LLGL2: variants seen among roughly 807,000 people sequenced by gnomAD.
LLGL2 encodes the protein LLGL scribble cell polarity complex component 2, also known as LLGL2, scribble cell polarity complex component.
Under a neutral mutation model 123.2 loss-of-function variants are expected in LLGL2, and 81 were observed. The ratio of observed to expected loss-of-function variants is 0.66; its 90% CI spans 0.55 to 0.79. LLGL2 has a LOEUF of 0.79. Ranked by LOEUF, LLGL2 falls within the 30% of genes least tolerant of loss-of-function variation. LLGL2 has a pLI of 0.00. For missense variants in LLGL2, 1,273 were observed against 1,414.6 expected, an observed-to-expected ratio of 0.90 and a Z score of 1.61; for synonymous variants, 577 against 594.1, an observed-to-expected ratio of 0.97 and a Z score of 0.42.
At position 75,568,918 on chromosome 17, in the gene LLGL2, A is replaced by G. The variant is rs745356525; in HGVS notation, c.1323-60A>G. The G allele has an allele frequency of 1.9e-6, 3 of 1,579,716 alleles. No homozygotes were observed. In the South Asian group the frequency reaches 3.5e-5, roughly 18 times the overall value. ...AGCAGAGCCCTGAGGTGGACGAGCC[A>G]GCCCCTGGGCATCCCGGCTGGCATC... On this transcript the variant is annotated intron_variant, in intron 12 of 25. Coordinates refer to ENST00000392550, the MANE Select transcript of LLGL2 (RefSeq NM_001031803.2).
chr17:75,537,805 T>G (rs1598519843), intron 1 of LLGL2, among the ~76,000 whole-genome samples: 3 of 143,352 alleles, frequency 2.1e-5, no homozygotes, highest in African/African-American at 2.6e-5. Flanking sequence ...TTTTGGAAGG[T>G]GACCTTTTTT....
intron 1 of LLGL2, among the ~76,000 whole-genome samples, chr17:75,526,724 G>C (rs1016483943): frequency 3.9e-5 from 6 of 152,112 alleles, no homozygotes; most frequent in African/African-American, 1.4e-4. Context: ...AGAGAACCTT[G>C]AGTTCTCTTG....
In LLGL2 at chr17:75,559,317, T is replaced by C. The variant is rs754659748; in HGVS notation, c.437T>C (p.Leu146Pro). Residue 146 changes from leucine (L) to proline (P), a missense_variant, in exon 6 of 26, where the codon CTG becomes CCG. Physicochemically the swap from Leu to Pro is moderately conservative, Grantham distance 98 (BLOSUM62 -3). Transcript: ENST00000392550. The surrounding 1 kb of genome is among the most constrained non-coding windows in gnomAD (Gnocchi z 4.6). ...CATTCCTCCTGCGAGCTGCTCTACC[T>C]GGGCACCGAGAGTGGCAACGTGTTT... is the stretch of plus-strand genomic sequence containing the variant. ...LPHSSCELLYLGTESGNVFVV... is the reference protein window; with the variant it reads ...LPHSSCELLYPGTESGNVFVV... 6.2e-7 allele frequency: 1 copy of C among 1,613,548 alleles called. No individual in the cohort carries two copies. Among genetic ancestry groups the C allele is most frequent in the South Asian group, 1.1e-5 (1 of 91,072 alleles).
intron 1 of LLGL2, among the ~76,000 whole-genome samples, chr17:75,539,413 CTT>C (rs1254885147): frequency 7.1e-6 from 1 of 141,444 alleles, no homozygotes. Flanking sequence ...ATGTCCTTTC[CTT>C]TTTTTTTTAG....
intron 19 of LLGL2, among the ~76,000 whole-genome samples, chr17:75,572,803 G>C (rs538317718): frequency 1.3e-5 from 2 of 151,482 alleles, no homozygotes; most frequent in Non-Finnish European, 2.9e-5. Context: ...CTGGGCGACA[G>C]AGCAAGACTC....
intron 2 of LLGL2, among the ~76,000 whole-genome samples, chr17:75,548,510 AAAG>A (rs1199386884): frequency 6.6e-6 from 1 of 152,074 alleles, no homozygotes; most frequent in Non-Finnish European, 1.5e-5. Flanking sequence ...AAAGTATGCC[AAAG>A]AAGTGGCCGG....
Position 75,558,743 on chromosome 17 carries a change from G to A in LLGL2, c.371+116G>A. 1.2e-6 allele frequency: 1 copy of A among 818,476 alleles called. No homozygotes were observed. Among genetic ancestry groups the A allele is most frequent in the Non-Finnish European group, 2.0e-6 (1 of 503,660 alleles). 50.7% of individuals were successfully genotyped at this position (818,476 alleles called of 1,614,324 possible). A position where few individuals can be genotyped will look rare whatever the true frequency, so the allele number is the denominator to read the frequency against. The stretch of plus-strand genomic sequence containing the variant: ...TTGCGCCCCTGGCAGTGACTGGCAT[G>A]CGTTTGGCCCGATGCATCGCCACAC... On this transcript the variant is annotated intron_variant, in intron 5 of 25. Coordinates refer to ENST00000392550, the MANE Select transcript of LLGL2 (RefSeq NM_001031803.2). This position sits in a 1 kb window ranked among gnomAD's most constrained non-coding sequence, Gnocchi z 4.0.
rs1261527137 is a variant in LLGL2, at chr17:75,556,140, A to G, written c.170A>G (p.Lys57Arg). 1 of 1,609,278 alleles carries G rather than the reference A, an allele frequency of 6.2e-7. No individual in the cohort carries two copies. Among genetic ancestry groups the G allele is most frequent in the Non-Finnish European group, 8.5e-7 (1 of 1,179,458 alleles). Residue 57 changes from lysine (K) to arginine (R), a missense_variant, in exon 3 of 26, where the codon AAG (lysine) becomes AGG (arginine). Physicochemically the swap from Lys to Arg is conservative, Grantham distance 26 (BLOSUM62 2). Transcript: ENST00000392550. ...LAIGTRSGAI[K>R]LYGAPGVEFM... ...ATCGGCACCCGTTCTGGAGCCATCA[A>G]GCTGTATCCTCCGTCCCCTCGCTCC... is the stretch of plus-strand genomic sequence containing the variant.
chr17:75,540,429 A>G (rs183008571), intron 1 of LLGL2, among the ~76,000 whole-genome samples: 154 of 152,264 alleles, frequency 1.0e-3, no homozygotes, highest in African/African-American at 3.2e-3. Context: ...TCCTGGCTCC[A>G]TCACCCCATG....
At chr17:75,573,656 T>TACCCCC in intron 21 of LLGL2, 25 bp downstream of exon 21, 1 of 1,429,136 alleles carries the variant, frequency 7.0e-7, no homozygotes, top group Non-Finnish European at 9.3e-7. Flanking sequence ...CAGAGGCCTC[T>TACCCCC]CCCGCCCCTC....
At chr17:75,534,969 C>T (rs538130709) in intron 1 of LLGL2, among the ~76,000 whole-genome samples, 2 of 152,362 alleles carry the variant, frequency 1.3e-5, no homozygotes, top group South Asian at 4.1e-4. Flanking sequence ...TGCCCCCATT[C>T]CCTCTGGTTT....
chr17:75,529,816 G>A (rs747216083), intron 1 of LLGL2, among the ~76,000 whole-genome samples: 2 of 151,930 alleles, frequency 1.3e-5, no homozygotes, highest in Non-Finnish European at 2.9e-5. Flanking sequence ...AGCCGAGATC[G>A]CGCCACTGCA....
In LLGL2 at chr17:75,563,187, T is replaced by G; in HGVS notation, c.693+9T>G. Reference sequence around the variant, plus strand: ...ACTTCCTCAGCAGCCAGGTAGGCAGTGCCCAGGACATGGCAGGCGCCATGT... The same window carrying G: ...ACTTCCTCAGCAGCCAGGTAGGCAGGGCCCAGGACATGGCAGGCGCCATGT... On this transcript the variant is annotated intron_variant, in intron 7 of 25. Transcript: ENST00000392550. The G allele has an allele frequency of 6.2e-7, 1 of 1,612,888 alleles. No homozygotes were observed. Among genetic ancestry groups the G allele is most frequent in the Non-Finnish European group, 8.5e-7 (1 of 1,179,924 alleles).
At chr17:75,550,780 CAAAAA>C (rs57482643) in intron 2 of LLGL2, among the ~76,000 whole-genome samples, 1,396 of 94,694 alleles carry the variant, frequency 0.015, 17 homozygotes, top group Non-Finnish European at 0.02. Flanking sequence ...GACCCTGTCT[CAAAAA>C]AAAAAAAAAA....
intron 1 of LLGL2, among the ~76,000 whole-genome samples, chr17:75,542,158 C>T (rs1017369255): frequency 5.3e-5 from 8 of 152,114 alleles, no homozygotes; most frequent in Admixed American, 2.0e-4. Flanking sequence ...GGGATCCTAT[C>T]ATATGCAAAG....
Position 75,559,457 on chromosome 17 carries a change from G to T in LLGL2, c.530+47G>T. 1.3e-6 allele frequency: 2 copies of T among 1,550,336 alleles called. No individual in the cohort carries two copies. On this transcript the variant is annotated intron_variant, in intron 6 of 25. Transcript: ENST00000392550. The surrounding 1 kb of genome is among the most constrained non-coding windows in gnomAD (Gnocchi z 4.6). ...TGTTAACTCCATCCCCTCAAGTTAG[G>T]CATGGCTTCTCCCCTTGGTCCCAGG...
At chr17:75,535,431 C>T (rs1386497976) in intron 1 of LLGL2, among the ~76,000 whole-genome samples, 1 of 152,194 alleles carries the variant, frequency 6.6e-6, no homozygotes, top group Non-Finnish European at 1.5e-5. Context: ...GTCTGGAGTC[C>T]TGCCGCTGGG....
intron 1 of LLGL2, among the ~76,000 whole-genome samples, chr17:75,535,271 C>T (rs766531129): frequency 9.2e-5 from 14 of 152,248 alleles, no homozygotes; most frequent in Admixed American, 2.0e-4. Flanking sequence ...CACAGGATGT[C>T]GCAGAGGGGA....
chr17:75,569,272 A>G lies in LLGL2; in HGVS notation c.1528A>G (p.Ile510Val). The change falls in exon 14 of 26, where the codon ATC becomes GTC. Residue 510 changes from isoleucine to valine, a missense_variant. Ile to Val is a conservative substitution (Grantham distance 29). Coordinates refer to ENST00000392550, the MANE Select transcript of LLGL2 (RefSeq NM_001031803.2). ...TGACCCCCGGCTGGGCATCCAGAAG[A>G]TCTTCCTCTGCAAGTACAGCGGCTA... ...SDDPRLGIQK[I>V]FLCKYSGYLA... is the part of the protein sequence containing the mutation. The G allele has an allele frequency of 6.2e-7, 1 of 1,613,494 alleles. No individual in the cohort carries two copies. Among genetic ancestry groups the G allele is most frequent in the Non-Finnish European group, 8.5e-7 (1 of 1,179,988 alleles).
Sources: gnomAD v4.1 joint callset for allele counts (sites outside exome capture counted in the v4.1 genomes callset) on GRCh38, gnomAD v4.1.1 for gene constraint, Gnocchi (gnomAD v3.1) non-coding constraint, MANE v1.5 for transcripts, NCBI Gene and HGNC (gene_info 2026-07-23, HGNC 2026-07-21) for gene names.